KCNIP4: variants seen among roughly 807,000 people sequenced by gnomAD.
KCNIP4 encodes Kv channel-interacting protein 4.
A neutral mutation model predicts 34.0 loss-of-function variants in KCNIP4; 12 were observed. The observed-to-expected ratio is 0.35, with a 90% CI of 0.23 to 0.57. The LOEUF (loss-of-function observed/expected upper bound fraction) is 0.57, where lower values mean the gene tolerates loss of function less well. Among genes scored for constraint, KCNIP4 ranks in the 20% least tolerant of loss-of-function variants. KCNIP4 has a pLI of 0.83. For missense variants in KCNIP4, 238 were observed against 311.7 expected, an observed-to-expected ratio of 0.76 and a Z score of 1.78; for synonymous variants, 124 against 102.2, an observed-to-expected ratio of 1.21 and a Z score of -1.29.
At chr4:21,333,947 G>C (rs1282651294) in intron 1 of KCNIP4, among the ~76,000 whole-genome samples, 1 of 152,226 alleles carries the variant, frequency 6.6e-6, no homozygotes, top group East Asian at 1.9e-4. Context: ...TTTAGTAATA[G>C]ATTACAGGAA....
chr4:21,859,357 C>T (rs143864579), intron 1 of KCNIP4, among the ~76,000 whole-genome samples: 1 of 152,028 alleles, frequency 6.6e-6, no homozygotes, highest in East Asian at 1.9e-4. Context: ...TTAGACTAAC[C>T]ACTTCTTAAG....
chr4:20,849,328 A>C (rs1720751874), intron 3 of KCNIP4, among the ~76,000 whole-genome samples: 1 of 151,784 alleles, frequency 6.6e-6, no homozygotes, highest in East Asian at 2.0e-4. Flanking sequence ...GGCAAGGAGA[A>C]GGGGCTGAGG....
At chr4:21,544,166 A>G (rs1737943211) in intron 1 of KCNIP4, among the ~76,000 whole-genome samples, 1 of 151,938 alleles carries the variant, frequency 6.6e-6, no homozygotes, top group Non-Finnish European at 1.5e-5. Context: ...TGGTCCTTTC[A>G]ATTATTTCAG....
At chr4:21,069,144 T>G (rs76200513) in intron 1 of KCNIP4, among the ~76,000 whole-genome samples, 4,278 of 152,024 alleles carry the variant, frequency 0.028, 76 homozygotes, top group Non-Finnish European at 0.046. Flanking sequence ...TAGCAATAAA[T>G]AGTAGTACAA....
intron 1 of KCNIP4, among the ~76,000 whole-genome samples, chr4:21,767,698 T>G (rs1193099065): frequency 1.3e-5 from 2 of 152,120 alleles, no homozygotes; most frequent in Non-Finnish European, 2.9e-5. Context: ...AATAACTGTT[T>G]TTCTCTTGCC....
At chr4:21,626,985 C>T (rs1201616789) in intron 1 of KCNIP4, among the ~76,000 whole-genome samples, 1 of 152,070 alleles carries the variant, frequency 6.6e-6, no homozygotes, top group Admixed American at 6.6e-5. Context: ...TATAAAGTCC[C>T]GGCCTAGTCA....
chr4:21,094,427 C>T (rs1032508249), intron 1 of KCNIP4, among the ~76,000 whole-genome samples: 16 of 152,208 alleles, frequency 1.1e-4, no homozygotes, highest in Admixed American at 7.2e-4. Context: ...GCTCTGGTGA[C>T]GGCTAGAAGA....
intron 1 of KCNIP4, among the ~76,000 whole-genome samples, chr4:21,420,295 C>T (rs767227248): frequency 6.6e-6 from 1 of 152,122 alleles, no homozygotes; most frequent in Non-Finnish European, 1.5e-5. Context: ...ACATTTCTCC[C>T]CCTCCCACTG....
At chr4:21,283,731 C>G (rs1217755951) in intron 1 of KCNIP4, among the ~76,000 whole-genome samples, 2 of 151,076 alleles carry the variant, frequency 1.3e-5, no homozygotes, top group Non-Finnish European at 2.9e-5. Context: ...AGCACACAAA[C>G]ATGGCACATG....
intron 1 of KCNIP4, among the ~76,000 whole-genome samples, chr4:21,910,905 T>G (rs535785299): frequency 6.6e-6 from 1 of 152,334 alleles, no homozygotes; most frequent in African/African-American, 2.4e-5. Context: ...TACTATGATT[T>G]ACCCTAGCTT....
At chr4:21,914,971 C>A (rs1728544607) in intron 1 of KCNIP4, among the ~76,000 whole-genome samples, 1 of 150,480 alleles carries the variant, frequency 6.6e-6, no homozygotes. Context: ...TGGAGACACA[C>A]AAATTAAAAA....
intron 1 of KCNIP4, among the ~76,000 whole-genome samples, chr4:21,619,783 T>C (rs925962940): frequency 5.9e-5 from 9 of 152,250 alleles, no homozygotes; most frequent in African/African-American, 1.7e-4. Flanking sequence ...TCCTAGCCAC[T>C]GTCTTCAAGT....
intron 3 of KCNIP4, among the ~76,000 whole-genome samples, chr4:20,776,806 T>G (rs1025419376): frequency 1.3e-5 from 2 of 152,218 alleles, no homozygotes; most frequent in Non-Finnish European, 2.9e-5. Context: ...AATATTACTG[T>G]AGATTATATG....
intron 1 of KCNIP4, among the ~76,000 whole-genome samples, chr4:21,497,173 G>T (rs891553840): frequency 5.9e-5 from 9 of 152,162 alleles, no homozygotes; most frequent in African/African-American, 1.9e-4. Flanking sequence ...CATGAACTAT[G>T]ATGTAAAGAG....
intron 1 of KCNIP4, among the ~76,000 whole-genome samples, chr4:21,036,691 A>G (rs1741474743): frequency 6.6e-6 from 1 of 152,196 alleles, no homozygotes; most frequent in Non-Finnish European, 1.5e-5. Context: ...GCACCACTGC[A>G]CTCCAGCCTG....
intron 1 of KCNIP4, among the ~76,000 whole-genome samples, chr4:21,077,138 A>T (rs1745560080): frequency 1.3e-5 from 2 of 151,902 alleles, no homozygotes; most frequent in Non-Finnish European, 2.9e-5. Context: ...AAATAAAATA[A>T]AATAAATTAA....
chr4:21,726,411 A>G lies in KCNIP4; in HGVS notation c.61+222160T>C, dbSNP rs182144997. Among the ~76,000 whole-genome samples the G allele has an allele frequency of 1.3e-3, 205 of 152,318 alleles. 1 individual carries two copies. The highest frequency in any genetic ancestry group is 4.2e-3 in the Admixed American group (64 of 15,294). ...ACACTAAATGTGAAAGTGCCTAGGC[A>G]TAAAGATAAGTCTCACGTAGCAGAG... On this transcript the variant is annotated intron_variant, in intron 1 of 8. Transcript: ENST00000382152.
intron 1 of KCNIP4, among the ~76,000 whole-genome samples, chr4:21,151,405 AATTTTTTTTTTTT>A (rs1439486339): frequency 3.2e-5 from 3 of 93,512 alleles, no homozygotes; most frequent in African/African-American, 8.1e-5. Flanking sequence ...AACAAAAGAC[AATTTTTTTTTTTT>A]TTTTTTTTTT....
intron 1 of KCNIP4, among the ~76,000 whole-genome samples, chr4:20,987,917 C>A (rs1032310352): frequency 7.0e-6 from 1 of 143,560 alleles, no homozygotes; most frequent in Non-Finnish European, 1.5e-5. Flanking sequence ...AGGAGTACCT[C>A]GTGAACCCGG....
Sources: gnomAD v4.1 joint callset for allele counts (sites outside exome capture counted in the v4.1 genomes callset) on GRCh38, gnomAD v4.1.1 for gene constraint, MANE v1.5 for transcripts, NCBI Gene and HGNC (gene_info 2026-07-23, HGNC 2026-07-21) for gene names.